XKR6: variants seen among roughly 807,000 people sequenced by gnomAD.
XKR6 encodes XK related 6, also known as XK-related protein 6.
A neutral mutation model predicts 56.7 loss-of-function variants in XKR6; 22 were observed. The observed-to-expected ratio is 0.39, with a 90% CI of 0.28 to 0.55. The LOEUF (loss-of-function observed/expected upper bound fraction) is 0.55. Among genes scored for constraint, XKR6 ranks in the 20% least tolerant of loss-of-function variants. XKR6 has a pLI of 0.66. For missense variants in XKR6, 852 were observed against 889.0 expected, an observed-to-expected ratio of 0.96 and a Z score of 0.53; for synonymous variants, 524 against 387.8, an observed-to-expected ratio of 1.35 and a Z score of -4.13.
intron 1 of XKR6, among the ~76,000 whole-genome samples, chr8:11,025,394 CAAA>C: frequency 6.6e-6 from 1 of 152,226 alleles, no homozygotes; most frequent in East Asian, 1.9e-4. Flanking sequence ...GGAGTCTATT[CAAA>C]AAATACCTAT....
At chr8:11,027,960 A>C (rs988903187) in intron 1 of XKR6, among the ~76,000 whole-genome samples, 1 of 152,078 alleles carries the variant, frequency 6.6e-6, no homozygotes, top group African/African-American at 2.4e-5. Context: ...ACATTGACAG[A>C]TCGTCATCAC....
chr8:11,056,179 G>A (rs897846398), intron 1 of XKR6, among the ~76,000 whole-genome samples: 9 of 152,330 alleles, frequency 5.9e-5, no homozygotes, highest in Non-Finnish European at 8.8e-5. Context: ...TTCCGGAGGC[G>A]TCCTGCTGCG....
chr8:11,082,313 C>G (rs537320414), intron 1 of XKR6, among the ~76,000 whole-genome samples: 1 of 152,352 alleles, frequency 6.6e-6, no homozygotes, highest in South Asian at 2.1e-4. Context: ...CATGTGCAAT[C>G]ACTTTGCACC....
chr8:10,900,441 A>T (rs1397268897), intron 2 of XKR6, among the ~76,000 whole-genome samples: 5 of 152,108 alleles, frequency 3.3e-5, no homozygotes, highest in Non-Finnish European at 2.9e-5. Flanking sequence ...TCCTTCCATC[A>T]TGTCACATGA....
intron 1 of XKR6, among the ~76,000 whole-genome samples, chr8:10,965,795 T>C (rs1802204793): frequency 6.6e-6 from 1 of 152,266 alleles, no homozygotes; most frequent in Non-Finnish European, 1.5e-5. Flanking sequence ...ACAGATGTTC[T>C]TGCTTCCGAC....
chr8:10,900,036 G>A (rs1467935196), intron 2 of XKR6, among the ~76,000 whole-genome samples: 1 of 152,030 alleles, frequency 6.6e-6, no homozygotes, highest in African/African-American at 2.4e-5. Context: ...CAGTTCCACA[G>A]TCCATCTGGG....
At chr8:10,907,598 T>C (rs981586821) in intron 2 of XKR6, among the ~76,000 whole-genome samples, 1 of 152,230 alleles carries the variant, frequency 6.6e-6, no homozygotes, top group Non-Finnish European at 1.5e-5. Context: ...AGTTAAAAAG[T>C]TGTAGAACTA....
At chr8:10,941,788 C>A (rs562290499) in intron 1 of XKR6, among the ~76,000 whole-genome samples, 282 of 152,246 alleles carry the variant, frequency 1.9e-3, no homozygotes, top group Middle Eastern at 0.01. Flanking sequence ...ACCAGCAGGG[C>A]CTTAGAACAT....
intron 1 of XKR6, among the ~76,000 whole-genome samples, chr8:11,167,890 TAAAA>T (rs34853825): frequency 0.052 from 5,637 of 108,298 alleles, 162 homozygotes; most frequent in South Asian, 0.12. Context: ...CCCCATCTCT[TAAAA>T]AAAAAAAAAA....
intron 1 of XKR6, among the ~76,000 whole-genome samples, chr8:11,045,434 G>A (rs1289851972): frequency 6.6e-6 from 1 of 152,144 alleles, no homozygotes; most frequent in Non-Finnish European, 1.5e-5. Context: ...GATTTTGATT[G>A]TCCCAATAAT....
intron 1 of XKR6, among the ~76,000 whole-genome samples, chr8:10,955,634 CA>C (rs1801863548): frequency 6.6e-6 from 1 of 152,216 alleles, no homozygotes; most frequent in African/African-American, 2.4e-5. Flanking sequence ...TAAGGTCACA[CA>C]AGTAGTAGAC....
chr8:10,899,019 AAGG>A, intron 2 of XKR6, 103 bp from the exon 3 acceptor site: 1 of 1,470,342 alleles, frequency 6.8e-7, no homozygotes, highest in Non-Finnish European at 9.0e-7. Flanking sequence ...CCACGATCTA[AAGG>A]AGGAGGGAGA....
chr8:11,108,340 C>T lies in XKR6; in HGVS notation c.764+92236G>A, dbSNP rs76049373. ...ATGAAACAACAGAATCCTAAATTTC[C>T]AGTCACTACTACAATTTGAAGTACA... is the stretch of plus-strand genomic sequence containing the variant. On this transcript the variant is annotated intron_variant, in intron 1 of 2. Transcript: ENST00000416569. 1.5e-3 allele frequency: 681 copies of T among 456,164 alleles called. 3 individuals carry two copies. The highest frequency in any genetic ancestry group is 0.013 in the African/African-American group (630 of 50,176). 28.3% of individuals were successfully genotyped at this position (456,164 alleles called of 1,614,324 possible).
intron 1 of XKR6, among the ~76,000 whole-genome samples, chr8:11,077,857 G>T (rs1466335103): frequency 6.6e-6 from 1 of 152,136 alleles, no homozygotes; most frequent in Non-Finnish European, 1.5e-5. Context: ...ACCCTGGCAT[G>T]ATCATCAGAC....
intron 1 of XKR6, among the ~76,000 whole-genome samples, chr8:11,091,430 C>G (rs1405868774): frequency 3.0e-5 from 3 of 99,990 alleles, no homozygotes; most frequent in South Asian, 3.4e-4. Flanking sequence ...GAATGAGACC[C>G]TGACTCAAAT....
intron 2 of XKR6, among the ~76,000 whole-genome samples, chr8:10,909,036 C>T (rs756835580): frequency 2.6e-5 from 4 of 152,000 alleles, no homozygotes; most frequent in Non-Finnish European, 4.4e-5. Context: ...TGTGGTGGCA[C>T]GCACCTGTAG....
chr8:11,187,840 A>G (rs1049631537), intron 1 of XKR6, among the ~76,000 whole-genome samples: 4 of 152,182 alleles, frequency 2.6e-5, no homozygotes, highest in Non-Finnish European at 5.9e-5. Context: ...CCAAGAATGA[A>G]TCTACATAAC....
chr8:10,987,216 T>C (rs571052619), intron 1 of XKR6, among the ~76,000 whole-genome samples: 3 of 152,222 alleles, frequency 2.0e-5, no homozygotes, highest in East Asian at 1.9e-4. Flanking sequence ...TATGTGTGGG[T>C]TGAACAACTG....
At chr8:11,063,422 C>T (rs989980869) in intron 1 of XKR6, among the ~76,000 whole-genome samples, 1 of 151,092 alleles carries the variant, frequency 6.6e-6, no homozygotes, top group Admixed American at 6.6e-5. Flanking sequence ...CACTTGCATC[C>T]AGGAGTTGGA....
Sources: allele counts gnomAD v4.1 joint callset (sites outside exome capture counted in the v4.1 genomes callset), GRCh38; gene constraint gnomAD v4.1.1; transcripts MANE v1.5; gene names NCBI Gene and HGNC (gene_info 2026-07-23, HGNC 2026-07-21).